Variants in SLC16A9 observed in about 807,000 individuals in gnomAD.
SLC16A9 encodes the protein solute carrier family 16 member 9.
Under a neutral mutation model 44.3 loss-of-function variants are expected in SLC16A9, and 26 were observed. That is an observed-to-expected ratio of 0.59 (90% CI 0.43 to 0.81). SLC16A9 has a LOEUF of 0.81. SLC16A9 is among the 40% of genes least tolerant of loss of function. SLC16A9 has a pLI of 0.00. For synonymous variants in SLC16A9, 230 were observed against 225.1 expected, an observed-to-expected ratio of 1.02 and a Z score of -0.19; for missense variants, 559 against 595.8, an observed-to-expected ratio of 0.94 and a Z score of 0.64.
At chr10:59,693,328 A>G (rs1840292959) in intron 1 of SLC16A9, among the ~76,000 whole-genome samples, 1 of 152,228 alleles carries the variant, frequency 6.6e-6, no homozygotes. Flanking sequence ...AGTTATAGTC[A>G]CTAGATCAAT....
chr10:59,685,722 T>C (rs1211873261), intron 1 of SLC16A9, among the ~76,000 whole-genome samples: 2 of 152,240 alleles, frequency 1.3e-5, no homozygotes, highest in Admixed American at 6.5e-5. Context: ...CTTATAGGCA[T>C]ATTTGTTAGG....
chr10:59,672,610 T>C (rs1322464013), intron 3 of SLC16A9, among the ~76,000 whole-genome samples, 160 bp downstream of exon 3: 1 of 152,166 alleles, frequency 6.6e-6, no homozygotes, highest in South Asian at 2.1e-4. Flanking sequence ...TGGGCAGGTT[T>C]TTTTCACTAA....
Position 59,652,586 on chromosome 10 carries a change from T to C in SLC16A9, c.*186A>G. ...AGGAGAAATAGAAAAAAATACGAGA[T>C]AGAGGCTACGCATACACTACATAAA... On this transcript the variant is annotated 3_prime_UTR_variant, in exon 6 of 6. Transcript: ENST00000395348. 2 of 487,534 alleles carry C rather than the reference T, an allele frequency of 4.1e-6. No individual in the cohort carries two copies. The highest frequency in any genetic ancestry group is 2.0e-5 in the African/African-American group (1 of 49,686). 30.2% of individuals were successfully genotyped at this position (487,534 alleles called of 1,614,324 possible).
intron 4 of SLC16A9, among the ~76,000 whole-genome samples, chr10:59,658,267 A>G (rs1564696049): frequency 6.6e-6 from 1 of 152,156 alleles, no homozygotes; most frequent in Non-Finnish European, 1.5e-5. Context: ...CAACTTACAT[A>G]TATTGATTGA....
At chr10:59,685,836 G>A (rs753762) in intron 1 of SLC16A9, among the ~76,000 whole-genome samples, 25,206 of 152,106 alleles carry the variant, frequency 0.17, 2,437 homozygotes, top group African/African-American at 0.26. Context: ...TTGAGGCCAG[G>A]TATTACCAAA....
chr10:59,661,942 C>T (rs1430787227), intron 4 of SLC16A9, among the ~76,000 whole-genome samples: 1 of 152,094 alleles, frequency 6.6e-6, no homozygotes, highest in Non-Finnish European at 1.5e-5. Context: ...ATGCAGAAAA[C>T]TGAAACTGGA....
chr10:59,682,514 T>C (rs1840046043), intron 2 of SLC16A9, among the ~76,000 whole-genome samples: 1 of 152,168 alleles, frequency 6.6e-6, no homozygotes, highest in South Asian at 2.1e-4. Context: ...ATCTCCGCTT[T>C]CCTCAGCCCT....
At chr10:59,690,782 T>C (rs1164354556) in intron 1 of SLC16A9, among the ~76,000 whole-genome samples, 2 of 151,890 alleles carry the variant, frequency 1.3e-5, no homozygotes, top group Non-Finnish European at 2.9e-5. Flanking sequence ...AGTGGTGGAA[T>C]TTTTTTTCCA....
At chr10:59,708,136 T>C (rs1840685735) in intron 1 of SLC16A9, among the ~76,000 whole-genome samples, 2 of 152,212 alleles carry the variant, frequency 1.3e-5, no homozygotes, top group South Asian at 2.1e-4. Flanking sequence ...AGGACTTTTT[T>C]TTGATGGTGG....
chr10:59,689,353 A>G (rs967423859), intron 1 of SLC16A9, among the ~76,000 whole-genome samples: 1 of 152,028 alleles, frequency 6.6e-6, no homozygotes, highest in Admixed American at 6.6e-5. Flanking sequence ...CTTTTTTGTA[A>G]TGGTGCTCAA....
rs140118090 is a variant in SLC16A9 at position 59,663,157 on chromosome 10, T to G, written c.436+1070A>C. ...GGCAGATCATCTGAGGTTGGGAGTTTGAGATTAGCCTGACCAACATGAAGA... is the reference window on the plus strand; with the variant it reads ...GGCAGATCATCTGAGGTTGGGAGTTGGAGATTAGCCTGACCAACATGAAGA... On this transcript the variant is annotated intron_variant, in intron 4 of 5. Transcript: ENST00000395348. Among the ~76,000 whole-genome samples, 3 of 152,042 alleles carry G rather than the reference T, an allele frequency of 2.0e-5. No individual in the cohort carries two copies. The East Asian group carries it at 5.8e-4, about 30-fold the overall frequency.
Position 59,656,586 on chromosome 10 carries a change from G to T in SLC16A9, c.437-1997C>A, listed in dbSNP as rs1588960432. 3.3e-5 allele frequency among the ~76,000 whole-genome samples: 5 copies of T among 152,240 alleles called. No homozygotes were observed. The South Asian group carries it at 1.0e-3, about 32-fold the overall frequency. The stretch of plus-strand genomic sequence containing the variant: ...CATGTCTGTGGTTTAGAAAGATACA[G>T]GATTTTTTTCCCCCAGGGTATTGAA... On this transcript the variant is annotated intron_variant, in intron 4 of 5. Transcript: ENST00000395348.
chr10:59,707,979 A>G (rs1840682312), intron 1 of SLC16A9, among the ~76,000 whole-genome samples: 1 of 152,170 alleles, frequency 6.6e-6, no homozygotes, highest in African/African-American at 2.4e-5. Context: ...TGCTCTTCCT[A>G]TGGATATGAA....
At chr10:59,696,720 C>T (rs1191505487) in intron 1 of SLC16A9, among the ~76,000 whole-genome samples, 4 of 151,692 alleles carry the variant, frequency 2.6e-5, no homozygotes, top group South Asian at 4.2e-4. Context: ...CCTGCCGCCC[C>T]GTCTGGGATG....
At chr10:59,666,889 AC>A (rs376457032) in intron 3 of SLC16A9, among the ~76,000 whole-genome samples, 3,812 of 143,824 alleles carry the variant, frequency 0.027, 145 homozygotes, top group African/African-American at 0.091. Context: ...AAAAAAAAAA[AC>A]ACACAGAATT....
At chr10:59,660,582 G>T (rs1294118920) in intron 4 of SLC16A9, among the ~76,000 whole-genome samples, 1 of 152,106 alleles carries the variant, frequency 6.6e-6, no homozygotes, top group Non-Finnish European at 1.5e-5. Context: ...GTACAAAGAG[G>T]AGCTGGCAGC....
chr10:59,680,057 A>G (rs1438350344), intron 2 of SLC16A9, among the ~76,000 whole-genome samples: 1 of 152,100 alleles, frequency 6.6e-6, no homozygotes, highest in African/African-American at 2.4e-5. Flanking sequence ...GGTGTTTTCT[A>G]TATTGGCATC....
chr10:59,702,434 TG>T, intron 1 of SLC16A9, among the ~76,000 whole-genome samples: 1 of 152,214 alleles, frequency 6.6e-6, no homozygotes, highest in Non-Finnish European at 1.5e-5. Flanking sequence ...GACTCATTAC[TG>T]GGGCTAGGAC....
At chr10:59,696,178 C>A (rs1840367871) in intron 1 of SLC16A9, among the ~76,000 whole-genome samples, 1 of 152,200 alleles carries the variant, frequency 6.6e-6, no homozygotes, top group African/African-American at 2.4e-5. Flanking sequence ...GTGCTGCTGC[C>A]ATCTTGGCTC....
Sources: gnomAD v4.1 joint callset for allele counts (sites outside exome capture counted in the v4.1 genomes callset) on GRCh38, gnomAD v4.1.1 for gene constraint, MANE v1.5 for transcripts, NCBI Gene and HGNC (gene_info 2026-07-23, HGNC 2026-07-21) for gene names.